Variants in PACSIN2 observed in about 807,000 individuals in gnomAD.
PACSIN2 encodes the protein protein kinase C and casein kinase substrate in neurons 2.
PACSIN2 carries 25 observed loss-of-function variants against 63.8 expected under a neutral mutation model. The observed-to-expected ratio is 0.39, with a 90% CI of 0.29 to 0.55. PACSIN2 has a LOEUF of 0.55. Ranked by LOEUF, PACSIN2 falls within the 20% of genes least tolerant of loss-of-function variation. The pLI, the probability that PACSIN2 is intolerant of heterozygous loss-of-function variation, is 0.62. For synonymous variants in PACSIN2, 255 were observed against 256.2 expected (o/e 1.00, Z 0.05); for missense variants, 518 against 646.9 (o/e 0.80, Z 2.16).
intron 7 of PACSIN2, 133 bp from the exon 8 acceptor site, chr22:42,879,302 C>T (rs1928897871): frequency 2.1e-6 from 2 of 957,502 alleles, no homozygotes; most frequent in Non-Finnish European, 1.5e-6. Context: ...GGCCCCAGCT[C>T]TCCCTGGTTT....
intron 1 of PACSIN2, among the ~76,000 whole-genome samples, chr22:42,987,567 T>C (rs1922723963): frequency 9.0e-6 from 1 of 111,514 alleles, no homozygotes; most frequent in Non-Finnish European, 1.7e-5. Flanking sequence ...AGTCTCACTC[T>C]GTCACCCAGG....
At position 42,891,016 on chromosome 22, in the gene PACSIN2, G is replaced by A. The variant is rs1929866690; in HGVS notation, c.384C>T (p.Phe128=). 1 of 1,614,168 alleles carries A rather than the reference G, an allele frequency of 6.2e-7. No individual in the cohort carries two copies. The highest frequency in any genetic ancestry group is 8.5e-7 in the Non-Finnish European group (1 of 1,180,032). The change falls in exon 4 of 11, where the codon TTC becomes TTT. Residue 128 remains phenylalanine (F), a synonymous_variant. Transcript: ENST00000263246. ...EAFHKQMMGG[F]KETKEAEDGF... is the part of the protein sequence containing the mutation. ...CGTCCTCAGCTTCCTTGGTCTCCTT[G>A]AAGCCGCCCATCATCTGCTTGTGAA...
chr22:42,910,847 G>T (rs62231597), intron 2 of PACSIN2, among the ~76,000 whole-genome samples: 2,510 of 152,220 alleles, frequency 0.016, 33 homozygotes, highest in Middle Eastern at 0.041. Context: ...GCTTCTGGAG[G>T]GCAGGAACTC....
At chr22:42,907,221 G>A (rs936694028) in intron 2 of PACSIN2, among the ~76,000 whole-genome samples, 1 of 152,212 alleles carries the variant, frequency 6.6e-6, no homozygotes, top group Admixed American at 6.5e-5. Context: ...ACACATGCTC[G>A]TGTCTTGGCC....
At chr22:42,896,441 T>C (rs1930293505) in intron 2 of PACSIN2, among the ~76,000 whole-genome samples, 1 of 151,562 alleles carries the variant, frequency 6.6e-6, no homozygotes, top group Non-Finnish European at 1.5e-5. Context: ...ACTGTGTAGG[T>C]ATACCACTAT....
intron 2 of PACSIN2, among the ~76,000 whole-genome samples, chr22:42,902,943 C>A: frequency 6.6e-6 from 1 of 152,208 alleles, no homozygotes; most frequent in East Asian, 1.9e-4. Flanking sequence ...CTGCGAGTCA[C>A]ACGAGCTCTC....
chr22:43,000,287 G>C (rs1040012339), intron 1 of PACSIN2, among the ~76,000 whole-genome samples: 4 of 152,196 alleles, frequency 2.6e-5, no homozygotes, highest in Admixed American at 6.5e-5. Context: ...ACAGGGAGTG[G>C]GTAGCAGGGC....
At chr22:42,922,159 A>G (rs1465554837) in intron 1 of PACSIN2, among the ~76,000 whole-genome samples, 2 of 152,208 alleles carry the variant, frequency 1.3e-5, no homozygotes, top group African/African-American at 4.8e-5. Flanking sequence ...AGTGAGTCAG[A>G]GCCATTCCTT....
intron 1 of PACSIN2, among the ~76,000 whole-genome samples, chr22:42,952,864 C>T (rs1933761254): frequency 6.6e-6 from 1 of 151,992 alleles, no homozygotes; most frequent in Admixed American, 6.6e-5. Flanking sequence ...CGGGGTTTCT[C>T]CATATTGGAC....
At position 42,890,382 on chromosome 22, in the gene PACSIN2, A is replaced by T. The variant is rs578138959; in HGVS notation, c.453+565T>A. Among the ~76,000 whole-genome samples, 9 of 152,360 alleles carry T rather than the reference A, an allele frequency of 5.9e-5. No individual in the cohort carries two copies. In the East Asian group the frequency reaches 1.7e-3, roughly 29 times the overall value. On this transcript the variant is annotated intron_variant, in intron 4 of 10. Transcript: ENST00000263246. ...GTTAAGAGCTTGGGCTTTGAGCTCTACCACCAATGTATGGTTCTGATCCTC... is the reference window on the plus strand; with the variant it reads ...GTTAAGAGCTTGGGCTTTGAGCTCTTCCACCAATGTATGGTTCTGATCCTC...
intron 2 of PACSIN2, among the ~76,000 whole-genome samples, chr22:42,906,320 T>C (rs1029586424): frequency 6.6e-6 from 1 of 152,250 alleles, no homozygotes; most frequent in African/African-American, 2.4e-5. Context: ...CAAAGGCTGC[T>C]TTCTGCTCTA....
chr22:42,957,514 C>T (rs996810136), intron 1 of PACSIN2, among the ~76,000 whole-genome samples: 1 of 152,204 alleles, frequency 6.6e-6, no homozygotes, highest in Admixed American at 6.5e-5. Context: ...ATAACTAACT[C>T]CCACACCTGA....
At chr22:42,945,150 A>C (rs1312478201) in intron 1 of PACSIN2, among the ~76,000 whole-genome samples, 3 of 151,830 alleles carry the variant, frequency 2.0e-5, no homozygotes, top group Non-Finnish European at 2.9e-5. Context: ...CCCAGTGCTT[A>C]GCATGAGGTA....
chr22:42,961,499 C>T (rs1000270583), intron 1 of PACSIN2, among the ~76,000 whole-genome samples: 8 of 151,024 alleles, frequency 5.3e-5, no homozygotes, highest in Admixed American at 1.3e-4. Flanking sequence ...TAGGCTGGGC[C>T]GGTGGCTCAC....
chr22:42,951,693 G>A (rs74823263), intron 1 of PACSIN2, among the ~76,000 whole-genome samples: 2,377 of 152,198 alleles, frequency 0.016, 20 homozygotes, highest in Non-Finnish European at 0.024. Flanking sequence ...GAATGTGGCC[G>A]CTTCACACCA....
intron 1 of PACSIN2, among the ~76,000 whole-genome samples, chr22:42,957,196 T>C (rs1335533372): frequency 6.6e-6 from 1 of 152,214 alleles, no homozygotes; most frequent in Admixed American, 6.5e-5. Flanking sequence ...GGGAAGACAG[T>C]TCTGACACAC....
At chr22:42,900,895 T>C (rs2146694123) in intron 2 of PACSIN2, among the ~76,000 whole-genome samples, 1 of 152,292 alleles carries the variant, frequency 6.6e-6, no homozygotes, top group East Asian at 1.9e-4. Context: ...AGAGCTGGTG[T>C]AAACTGAGAC....
At chr22:42,988,529 A>G (rs1922792079) in intron 1 of PACSIN2, among the ~76,000 whole-genome samples, 1 of 152,262 alleles carries the variant, frequency 6.6e-6, no homozygotes, top group South Asian at 2.1e-4. Flanking sequence ...GTAGAAGTCC[A>G]GGCTTAGGGT....
At chr22:43,012,728 C>T (rs1363278216) in intron 1 of PACSIN2, among the ~76,000 whole-genome samples, 1 of 151,986 alleles carries the variant, frequency 6.6e-6, no homozygotes, top group East Asian at 1.9e-4. Flanking sequence ...TCTTGGCTCA[C>T]CGCAACCTCC....
Sources: gnomAD v4.1 joint callset for allele counts (sites outside exome capture counted in the v4.1 genomes callset) on GRCh38, gnomAD v4.1.1 for gene constraint, MANE v1.5 for transcripts, NCBI Gene and HGNC (gene_info 2026-07-23, HGNC 2026-07-21) for gene names.